The following DLGAP1 variants were observed in gnomAD, a reference collection of about 807,000 sequenced individuals.
DLGAP1 encodes the protein disks large-associated protein 1.
A neutral mutation model predicts 90.8 loss-of-function variants in DLGAP1; 11 were observed. The ratio of observed to expected loss-of-function variants is 0.12; its 90% CI spans 0.08 to 0.20. The LOEUF (loss-of-function observed/expected upper bound fraction) is 0.20, where lower values mean the gene tolerates loss of function less well. Ranked by LOEUF, DLGAP1 falls within the 10% of genes least tolerant of loss-of-function variation. The probability of loss-of-function intolerance (pLI) is 1.00; values close to 1 mark genes in which losing one functional copy is unlikely to be tolerated. For synonymous variants in DLGAP1, 558 were observed against 540.7 expected, an observed-to-expected ratio of 1.03 and a Z score of -0.44; for missense variants, 1,050 against 1,333.8, an observed-to-expected ratio of 0.79 and a Z score of 3.31.
chr18:3,543,137 T>C (rs918519842), intron 9 of DLGAP1, among the ~76,000 whole-genome samples: 1 of 151,262 alleles, frequency 6.6e-6, no homozygotes, highest in Admixed American at 6.6e-5. Context: ...ATCTCTAAAC[T>C]AGAATACTCT....
At chr18:4,345,917 T>G (rs527421652) in intron 1 of DLGAP1, among the ~76,000 whole-genome samples, 13 of 152,356 alleles carry the variant, frequency 8.5e-5, no homozygotes, top group African/African-American at 3.1e-4. Flanking sequence ...AAGTGAAGTC[T>G]GCTTTGCAAC....
At chr18:3,904,548 T>C (rs994263836) in intron 3 of DLGAP1, among the ~76,000 whole-genome samples, 4 of 152,214 alleles carry the variant, frequency 2.6e-5, no homozygotes, top group Non-Finnish European at 4.4e-5. Flanking sequence ...TGTAACAGCA[T>C]TGATCATCGG....
At chr18:4,191,045 T>C (rs2077389467) in intron 1 of DLGAP1, among the ~76,000 whole-genome samples, 1 of 152,166 alleles carries the variant, frequency 6.6e-6, no homozygotes, top group African/African-American at 2.4e-5. Flanking sequence ...AAGACTTCAC[T>C]TCACATAAAC....
intron 1 of DLGAP1, among the ~76,000 whole-genome samples, chr18:4,324,923 A>G (rs532886382): frequency 6.6e-6 from 1 of 152,340 alleles, no homozygotes; most frequent in South Asian, 2.1e-4. Context: ...TGAATGGGCA[A>G]AAGCTGGAAG....
intron 3 of DLGAP1, among the ~76,000 whole-genome samples, chr18:3,985,726 T>A (rs2073828533): frequency 2.0e-5 from 3 of 152,198 alleles, no homozygotes; most frequent in South Asian, 4.1e-4. Context: ...TTCTTTCTTT[T>A]AAATTTGTAC....
At chr18:3,693,993 C>T (rs1020414867) in intron 7 of DLGAP1, among the ~76,000 whole-genome samples, 1 of 152,088 alleles carries the variant, frequency 6.6e-6, no homozygotes, top group Non-Finnish European at 1.5e-5. Context: ...AACCCATTGT[C>T]TACATTAGGT....
At chr18:4,376,102 G>A (rs763192925) in intron 1 of DLGAP1, among the ~76,000 whole-genome samples, 1 of 152,070 alleles carries the variant, frequency 6.6e-6, no homozygotes, top group Non-Finnish European at 1.5e-5. Context: ...ATGATAGAAA[G>A]TATCAAATAG....
At chr18:3,821,845 G>A (rs1267192876) in intron 4 of DLGAP1, 26 of 909,884 alleles carry the variant, frequency 2.9e-5, no homozygotes, top group South Asian at 5.0e-5. Context: ...GCTGTAATGT[G>A]TTGGCCTTCT....
intron 7 of DLGAP1, among the ~76,000 whole-genome samples, chr18:3,611,645 G>C (rs1306944638): frequency 1.3e-5 from 2 of 152,166 alleles, no homozygotes; most frequent in African/African-American, 4.8e-5. Flanking sequence ...GAACATGGCA[G>C]AACTTACCAC....
In DLGAP1 at chr18:4,322,727, C is replaced by T. The variant is rs574300937; in HGVS notation, c.-267+132279G>A. On this transcript the variant is annotated intron_variant, in intron 1 of 12. Coordinates refer to ENST00000315677, the MANE Select transcript of DLGAP1 (RefSeq NM_004746.4). ...GTGTAATCCCAGCACTTTGGGAGGC[C>T]GAGGCAGGTGGATCACGAGGTCAGG... Among the ~76,000 whole-genome samples the T allele has an allele frequency of 2.6e-3, 402 of 152,008 alleles. 2 individuals are homozygous for T. The highest frequency in any genetic ancestry group is 9.2e-3 in the African/African-American group (381 of 41,488).
At chr18:4,421,696 T>C (rs1156501578) in intron 1 of DLGAP1, among the ~76,000 whole-genome samples, 1 of 152,130 alleles carries the variant, frequency 6.6e-6, no homozygotes, top group Non-Finnish European at 1.5e-5. Context: ...ATTGCCTTTA[T>C]AGTTTTTTAG....
chr18:4,186,831 A>G (rs1416054753), intron 1 of DLGAP1, among the ~76,000 whole-genome samples: 6 of 152,192 alleles, frequency 3.9e-5, no homozygotes, highest in Non-Finnish European at 5.9e-5. Flanking sequence ...TAGGAATAGT[A>G]TTGAATCTGT....
intron 7 of DLGAP1, among the ~76,000 whole-genome samples, chr18:3,679,195 C>A (rs2060420091): frequency 6.9e-6 from 1 of 144,060 alleles, no homozygotes; most frequent in African/African-American, 2.8e-5. Context: ...TTTTCCCTCC[C>A]CACCCCCTAC....
chr18:3,600,911 G>GATAT lies in DLGAP1; in HGVS notation c.1592-18664_1592-18663insATAT, dbSNP rs1490281476. Among the ~76,000 whole-genome samples the GATAT allele has an allele frequency of 1.3e-3, 98 of 74,470 alleles. 26 individuals carry two copies. Among genetic ancestry groups the GATAT allele is most frequent in the East Asian group, 9.1e-3 (30 of 3,280 alleles). The allele number at this position is 74,470 out of a possible 152,430, so 48.9% of individuals were successfully genotyped here. A position where few individuals can be genotyped will look rare whatever the true frequency, so the allele number is the denominator to read the frequency against. The stretch of plus-strand genomic sequence containing the variant: ...ATATATAGATATATATAGATATATA[G>GATAT]ATAGATATAGATATATATAGATATA... On this transcript the variant is annotated intron_variant, in intron 7 of 12. Coordinates refer to ENST00000315677, the MANE Select transcript of DLGAP1 (RefSeq NM_004746.4).
At chr18:4,446,243 G>A (rs2083664436) in intron 1 of DLGAP1, among the ~76,000 whole-genome samples, 1 of 152,204 alleles carries the variant, frequency 6.6e-6, no homozygotes, top group African/African-American at 2.4e-5. Flanking sequence ...GTCTGGAGTA[G>A]GCAGGGGAAT....
chr18:3,929,457 C>G (rs924002993), intron 3 of DLGAP1, among the ~76,000 whole-genome samples: 38 of 152,184 alleles, frequency 2.5e-4, no homozygotes, highest in Non-Finnish European at 1.0e-4. Context: ...GTTCAAAAGT[C>G]AAAGCTATCT....
intron 7 of DLGAP1, among the ~76,000 whole-genome samples, chr18:3,657,556 T>A (rs1017656284): frequency 1.3e-5 from 2 of 152,026 alleles, no homozygotes; most frequent in Non-Finnish European, 2.9e-5. Flanking sequence ...AAATATACAG[T>A]ATTCTTTATG....
At chr18:4,333,509 T>C (rs2080996818) in intron 1 of DLGAP1, among the ~76,000 whole-genome samples, 1 of 151,704 alleles carries the variant, frequency 6.6e-6, no homozygotes, top group African/African-American at 2.4e-5. Context: ...TTCGTGGTCA[T>C]TTGTTATAAT....
chr18:3,873,824 C>T (rs1288675218), intron 4 of DLGAP1, among the ~76,000 whole-genome samples: 3 of 152,080 alleles, frequency 2.0e-5, no homozygotes, highest in Non-Finnish European at 2.9e-5. Context: ...TATTCAGAAT[C>T]CTGGTCCTGG....
Sources: gnomAD v4.1 joint callset for allele counts (sites outside exome capture counted in the v4.1 genomes callset) on GRCh38, gnomAD v4.1.1 for gene constraint, MANE v1.5 for transcripts, NCBI Gene and HGNC (gene_info 2026-07-23, HGNC 2026-07-21) for gene names.